The following NOP9 variants were observed in gnomAD, a reference collection of about 807,000 sequenced individuals.
NOP9 encodes nucleolar protein 9.
In NOP9, 50 loss-of-function variants were observed where a neutral mutation model predicts 63.0. The ratio of observed to expected loss-of-function variants is 0.79; its 90% confidence interval spans 0.63 to 1.00. The LOEUF (loss-of-function observed/expected upper bound fraction) is 1.00. Ranked by LOEUF, NOP9 falls within the 50% of genes least tolerant of loss-of-function variation. The probability of loss-of-function intolerance (pLI) is 0.00; values close to 1 mark genes in which losing one functional copy is unlikely to be tolerated. For synonymous variants in NOP9, 343 were observed against 332.8 expected (o/e 1.03, Z -0.33); for missense variants, 758 against 803.0 (o/e 0.94, Z 0.68).
the NOP9 span, among the ~76,000 whole-genome samples, chr14:24,274,687 C>A: frequency 2.0e-5 from 3 of 151,252 alleles, no homozygotes; most frequent in African/African-American, 7.3e-5. Flanking sequence ...CTGCTCACTG[C>A]CAGCTCTGCC....
chr14:24,305,966 C>A lies in NOP9; in HGVS notation c.*871C>A. 1 of 1,613,748 alleles carries A rather than the reference C, an allele frequency of 6.2e-7. No individual in the cohort carries two copies. Among genetic ancestry groups the A allele is most frequent in the Non-Finnish European group, 8.5e-7 (1 of 1,179,806 alleles). On this transcript the variant is annotated 3_prime_UTR_variant, in exon 10 of 10. Coordinates refer to ENST00000267425, the MANE Select transcript of NOP9 (RefSeq NM_174913.3). ...TCTGACCTGAGTACTTTCTTTGGGCCAAGTCCTTGAAAGTCACAACTCATA... is the reference window on the plus strand; with the variant it reads ...TCTGACCTGAGTACTTTCTTTGGGCAAAGTCCTTGAAAGTCACAACTCATA...
rs1231777855 is a variant in NOP9 at position 24,299,971 on chromosome 14, G to A, written c.17G>A (p.Arg6His). The A allele has an allele frequency of 1.9e-6, 3 of 1,575,916 alleles. No homozygotes were observed. The highest frequency in any genetic ancestry group is 1.1e-5 in the South Asian group (1 of 87,478). The change falls in exon 1 of 10, where the codon CGC becomes CAC. Residue 6 changes from arginine (R) to histidine (H), a missense_variant. Physicochemically the swap from Arg to His is conservative, Grantham distance 29 (BLOSUM62 0). Coordinates refer to ENST00000267425, the MANE Select transcript of NOP9 (RefSeq NM_174913.3). MGQGPRSPHKVGRRFP... is the reference protein window; with the variant it reads MGQGPHSPHKVGRRFP... ...GAAGCACACATGGGGCAGGGTCCGC[G>A]CTCTCCACACAAGGTGGGGCGCCGG...
In NOP9 at chr14:24,305,143, T is replaced by C. The variant is rs2041458664; in HGVS notation, c.*48T>C. 1 of 1,392,298 alleles carries C rather than the reference T, an allele frequency of 7.2e-7. No individual in the cohort carries two copies. Among genetic ancestry groups the C allele is most frequent in the Non-Finnish European group, 9.4e-7 (1 of 1,059,818 alleles). 86.2% of individuals were successfully genotyped at this position (1,392,298 alleles called of 1,614,324 possible). On this transcript the variant is annotated 3_prime_UTR_variant, in exon 10 of 10. Transcript: ENST00000267425. ...GTTGATGGGGGAGGGCAAAATGGGG[T>C]ATCCACCCCATCCCTTTCCTGGTTT...
chr14:24,274,337 A>G, the NOP9 span, among the ~76,000 whole-genome samples: 1 of 152,172 alleles, frequency 6.6e-6, no homozygotes. Flanking sequence ...GTCTCATGAA[A>G]AAATCTGCAT....
chr14:24,278,625 C>T, the NOP9 span, among the ~76,000 whole-genome samples: 5 of 152,102 alleles, frequency 3.3e-5, no homozygotes, highest in African/African-American at 4.8e-5. Flanking sequence ...GAGTGAGATA[C>T]GTGAGGGGTG....
the NOP9 span, chr14:24,293,994 G>A: frequency 6.6e-6 from 1 of 152,188 alleles, no homozygotes; most frequent in Non-Finnish European, 1.5e-5. Context: ...ATCAGTGGGG[G>A]AAAGTTGGAT....
chr14:24,276,516 C>T, the NOP9 span, among the ~76,000 whole-genome samples: 2 of 152,158 alleles, frequency 1.3e-5, no homozygotes, highest in African/African-American at 4.8e-5. Flanking sequence ...TCTCCAACTC[C>T]TGGCCTCCAA....
chr14:24,296,995 C>T (rs567252184), upstream of NOP9: 30 of 1,447,716 alleles, frequency 2.1e-5, no homozygotes, highest in Admixed American at 5.6e-4. Flanking sequence ...CTAGGAGAGC[C>T]TGCTGCAGAG....
chr14:24,298,015 C>T (rs2041288146), upstream of NOP9, among the ~76,000 whole-genome samples: 1 of 152,088 alleles, frequency 6.6e-6, no homozygotes, highest in Admixed American at 6.6e-5. Context: ...CTTTCTGTAC[C>T]TGACTTCCTG....
At chr14:24,286,586 T>TTTTA in the NOP9 span, among the ~76,000 whole-genome samples, 6 of 151,974 alleles carry the variant, frequency 3.9e-5, no homozygotes, top group Admixed American at 2.6e-4. Flanking sequence ...TTTATTTTTA[T>TTTTA]TTTATTTATT....
chr14:24,274,966 G>A, the NOP9 span, among the ~76,000 whole-genome samples: 1 of 128,498 alleles, frequency 7.8e-6, no homozygotes, highest in Non-Finnish European at 1.6e-5. Context: ...CTGGAATGAT[G>A]CAATGGCACC....
At chr14:24,287,920 T>C in the NOP9 span, among the ~76,000 whole-genome samples, 2 of 152,208 alleles carry the variant, frequency 1.3e-5, no homozygotes, top group Non-Finnish European at 2.9e-5. Context: ...GAGTATTGAT[T>C]CCCCAAAATG....
intron 2 of NOP9, 33 bp downstream of exon 2, chr14:24,300,890 G>T (rs773054131): frequency 5.5e-5 from 84 of 1,539,508 alleles, no homozygotes; most frequent in South Asian, 3.8e-4. Context: ...GGACCTAGGG[G>T]GAAGAAGAAT....
At chr14:24,296,550 G>A, upstream of NOP9, 2 of 1,614,174 alleles carry the variant, frequency 1.2e-6, no homozygotes, top group Middle Eastern at 1.7e-4. Context: ...TGGAGGCAGG[G>A]GTTTCCCAGA....
chr14:24,275,219 A>T, the NOP9 span, among the ~76,000 whole-genome samples: 3 of 152,178 alleles, frequency 2.0e-5, no homozygotes, highest in Non-Finnish European at 2.9e-5. Context: ...GAAAGCCACA[A>T]TCTAAATGAT....
At chr14:24,290,332 T>C in the NOP9 span, among the ~76,000 whole-genome samples, 33 of 152,280 alleles carry the variant, frequency 2.2e-4, no homozygotes, top group Non-Finnish European at 3.1e-4. Flanking sequence ...AGCTAGAAGG[T>C]AGCAGGCATC....
rs747037914 is a variant in NOP9, at chr14:24,305,291, T to G, written c.*196T>G. On this transcript the variant is annotated 3_prime_UTR_variant, in exon 10 of 10. Transcript: ENST00000267425. ...TAAAGTCAGAGAGGGCTGTCATCAGTATGCTGGGGAGTTTAGGGACAGGAG... is the reference window on the plus strand; with the variant it reads ...TAAAGTCAGAGAGGGCTGTCATCAGGATGCTGGGGAGTTTAGGGACAGGAG... 4 of 613,704 alleles carry G rather than the reference T, an allele frequency of 6.5e-6. No homozygotes were observed. Among genetic ancestry groups the G allele is most frequent in the Non-Finnish European group, 1.0e-5 (4 of 389,622 alleles). The allele number at this position is 613,704 out of a possible 1,614,324, so 38.0% of individuals were successfully genotyped here.
At chr14:24,292,880 T>C in the NOP9 span, 2 of 1,468,086 alleles carry the variant, frequency 1.4e-6, no homozygotes, top group Non-Finnish European at 1.8e-6. Flanking sequence ...TGGTGGTTGT[T>C]GTCCACTAGG....
At chr14:24,271,257 A>G in the NOP9 span, 1 of 1,111,244 alleles carries the variant, frequency 9.0e-7, no homozygotes, top group Non-Finnish European at 1.3e-6. Context: ...GCCTGGGCAG[A>G]GACCCCCAGA....
Sources: allele counts gnomAD v4.1 joint callset (sites outside exome capture counted in the v4.1 genomes callset), GRCh38; gene constraint gnomAD v4.1.1; transcripts MANE v1.5; gene names NCBI Gene and HGNC (gene_info 2026-07-23, HGNC 2026-07-21).